BTRC: variants seen among roughly 807,000 people sequenced by gnomAD.
The protein encoded by BTRC is F-box/WD repeat-containing protein 1A.
A neutral mutation model predicts 85.5 loss-of-function variants in BTRC; 42 were observed. The observed-to-expected ratio is 0.49, with a 90% confidence interval of 0.38 to 0.64. The LOEUF is 0.64. Ranked by LOEUF, BTRC falls within the 30% of genes least tolerant of loss-of-function variation. The pLI, the probability that BTRC is intolerant of heterozygous loss-of-function variation, is 0.00. For missense variants in BTRC, 594 were observed against 743.5 expected (o/e 0.80, Z 2.34); for synonymous variants, 255 against 263.3 (o/e 0.97, Z 0.30).
At chr10:101,397,113 G>T (rs747634392) in intron 1 of BTRC, among the ~76,000 whole-genome samples, 2 of 152,062 alleles carry the variant, frequency 1.3e-5, no homozygotes, top group Non-Finnish European at 2.9e-5. Flanking sequence ...CTGTCCAAAA[G>T]ATTTTAAAGT....
At chr10:101,444,080 T>C (rs1335827254) in intron 2 of BTRC, among the ~76,000 whole-genome samples, 1 of 152,156 alleles carries the variant, frequency 6.6e-6, no homozygotes, top group Non-Finnish European at 1.5e-5. Flanking sequence ...TTAGTAGCAG[T>C]CCTAAGGAAA....
At chr10:101,548,030 T>C in intron 13 of BTRC, among the ~76,000 whole-genome samples, 1 of 152,116 alleles carries the variant, frequency 6.6e-6, no homozygotes, top group East Asian at 1.9e-4. Flanking sequence ...AAATGCAAAT[T>C]AAAATTATAG....
chr10:101,454,430 TGAATAGATGA>T (rs1945024376), intron 2 of BTRC, among the ~76,000 whole-genome samples: 1 of 152,116 alleles, frequency 6.6e-6, no homozygotes, highest in East Asian at 1.9e-4. Context: ...GTGTAAGACT[TGAATAGATGA>T]GATAATCTTG....
intron 5 of BTRC, among the ~76,000 whole-genome samples, chr10:101,523,094 C>T (rs2062142813): frequency 1.3e-5 from 2 of 152,060 alleles, no homozygotes; most frequent in South Asian, 2.1e-4. Context: ...ATCTCAGCTA[C>T]TTGGGAGACT....
intron 2 of BTRC, among the ~76,000 whole-genome samples, chr10:101,432,267 A>G (rs1436946237): frequency 6.6e-6 from 1 of 151,720 alleles, no homozygotes; most frequent in Non-Finnish European, 1.5e-5. Context: ...AGCTGAGACT[A>G]CAGGCACACG....
chr10:101,454,954 G>T (rs1203906784), intron 2 of BTRC, among the ~76,000 whole-genome samples: 1 of 151,950 alleles, frequency 6.6e-6, no homozygotes, highest in African/African-American at 2.4e-5. Context: ...CTTCATATTT[G>T]ATTTCATAGA....
rs2062126977 is a variant in BTRC at position 101,522,390 on chromosome 10, A to AAAAT, written c.556+520_556+521insAAAT. On this transcript the variant is annotated intron_variant, in intron 5 of 14. Coordinates refer to ENST00000370187, the MANE Select transcript of BTRC (RefSeq NM_033637.4). ...AACAAAAAAAAACAAAAAAAAAAAA[A>AAAAT]CTCTAGAAATAAAGACTCCTTTTTT... 1.0e-4 allele frequency among the ~76,000 whole-genome samples: 11 copies of AAAAT among 108,874 alleles called. 1 individual carries two copies. Among genetic ancestry groups the AAAAT allele is most frequent in the Non-Finnish European group, 1.5e-4 (8 of 53,220 alleles). The allele number at this position is 108,874 out of a possible 152,430, so 71.4% of individuals were successfully genotyped here.
intron 2 of BTRC, among the ~76,000 whole-genome samples, chr10:101,447,385 A>G (rs1055923913): frequency 2.6e-5 from 4 of 152,196 alleles, no homozygotes; most frequent in Non-Finnish European, 4.4e-5. Context: ...TACAGCAGTG[A>G]TAGGCAACTG....
chr10:101,496,217 A>G (rs1946256896), intron 4 of BTRC, among the ~76,000 whole-genome samples: 2 of 152,304 alleles, frequency 1.3e-5, no homozygotes, highest in African/African-American at 2.4e-5. Flanking sequence ...TCCTGAATAT[A>G]TACAATGAGT....
intron 2 of BTRC, among the ~76,000 whole-genome samples, chr10:101,436,728 C>G (rs767795758): frequency 6.6e-6 from 1 of 152,008 alleles, no homozygotes; most frequent in African/African-American, 2.4e-5. Flanking sequence ...TTAGGAAAAT[C>G]TTGAGCTAAG....
intron 1 of BTRC, among the ~76,000 whole-genome samples, chr10:101,357,458 AAAAGG>A (rs1301241035): frequency 6.6e-6 from 1 of 151,448 alleles, no homozygotes; most frequent in African/African-American, 2.4e-5. Context: ...AAAAAAAAAA[AAAAGG>A]AAGCTATTTG....
At chr10:101,485,027 G>A (rs185893124) in intron 4 of BTRC, among the ~76,000 whole-genome samples, 3 of 152,254 alleles carry the variant, frequency 2.0e-5, no homozygotes, top group African/African-American at 7.2e-5. Context: ...GAAAAATACA[G>A]ACATGGGGCA....
At chr10:101,429,787 G>C (rs538431393) in intron 1 of BTRC, among the ~76,000 whole-genome samples, 1 of 145,314 alleles carries the variant, frequency 6.9e-6, no homozygotes, top group African/African-American at 2.6e-5. Flanking sequence ...AGACTAACAA[G>C]ATACATAAAA....
intron 1 of BTRC, among the ~76,000 whole-genome samples, chr10:101,383,961 C>T (rs545087987): frequency 8.5e-4 from 130 of 152,258 alleles, no homozygotes; most frequent in African/African-American, 2.9e-3. Context: ...GTGATTCTTC[C>T]GTCTCAGCCT....
intron 3 of BTRC, among the ~76,000 whole-genome samples, chr10:101,475,894 A>C (rs1220142056): frequency 1.5e-5 from 2 of 132,378 alleles, no homozygotes; most frequent in African/African-American, 5.5e-5. Flanking sequence ...TAGAAACAGA[A>C]TATTTGCATA....
chr10:101,550,784 A>G lies in BTRC; in HGVS notation c.1742A>G (p.Asp581Gly), dbSNP rs2062636639. Residue 581 changes from aspartate (D) to glycine (G), a missense_variant, in exon 14 of 15, where the codon GAC becomes GGC. By Grantham distance (94) the Asp-to-Gly change is moderately conservative. This residue lies in a region of BTRC where 56 missense variants were observed against 39.6 expected (regional missense o/e 1.41). Coordinates refer to ENST00000370187, the MANE Select transcript of BTRC (RefSeq NM_033637.4). The part of the protein sequence containing the change: ...SSHDDTILIW[D>G]FLNDPAAQAE... ...CATGATGACACAATCCTCATCTGGG[A>G]CTTCCTAAATGATCCAGCTGCCCAA... 3 of 1,613,954 alleles carry G rather than the reference A, an allele frequency of 1.9e-6. No homozygotes were observed. Among genetic ancestry groups the G allele is most frequent in the Non-Finnish European group, 2.5e-6 (3 of 1,179,976 alleles).
intron 13 of BTRC, among the ~76,000 whole-genome samples, chr10:101,540,696 T>G (rs1011757933): frequency 6.6e-6 from 1 of 152,162 alleles, no homozygotes; most frequent in African/African-American, 2.4e-5. Context: ...GGGGTCTCAG[T>G]GTGTTGCCCA....
At chr10:101,411,447 A>G (rs974802452) in intron 1 of BTRC, among the ~76,000 whole-genome samples, 2 of 152,272 alleles carry the variant, frequency 1.3e-5, no homozygotes, top group East Asian at 3.9e-4. Flanking sequence ...GTGTTAGACC[A>G]CTTACAATTT....
intron 1 of BTRC, among the ~76,000 whole-genome samples, chr10:101,416,100 A>G (rs904730597): frequency 6.6e-6 from 1 of 152,166 alleles, no homozygotes; most frequent in Non-Finnish European, 1.5e-5. Flanking sequence ...TAAGTGTCAC[A>G]TGACTGTATT....
Sources: allele counts gnomAD v4.1 joint callset (sites outside exome capture counted in the v4.1 genomes callset), GRCh38; gene constraint gnomAD v4.1.1; regional missense constraint gnomAD v4.1.1; transcripts MANE v1.5; gene names NCBI Gene and HGNC (gene_info 2026-07-23, HGNC 2026-07-21).